The following SBF2 variants were observed in gnomAD, a reference collection of about 807,000 sequenced individuals.
The protein encoded by SBF2 is myotubularin-related protein 13.
A neutral mutation model predicts 225.2 loss-of-function variants in SBF2; 112 were observed. That is an observed-to-expected ratio of 0.50 (90% confidence interval 0.43 to 0.58). The LOEUF (loss-of-function observed/expected upper bound fraction) is 0.58. Among genes scored for constraint, SBF2 ranks in the 20% least tolerant of loss-of-function variants. The pLI is 0.00. For missense variants in SBF2, 1,996 were observed against 2,206.2 expected (o/e 0.90, Z 1.91); for synonymous variants, 763 against 773.3 (o/e 0.99, Z 0.22).
intron 1 of SBF2, among the ~76,000 whole-genome samples, chr11:10,233,388 C>G (rs1338444860): frequency 6.6e-6 from 1 of 151,956 alleles, no homozygotes; most frequent in East Asian, 1.9e-4. Context: ...AGTCAATCCT[C>G]TCCCCTACCC....
chr11:9,983,097 C>T (rs550134161), intron 13 of SBF2, among the ~76,000 whole-genome samples: 6 of 152,264 alleles, frequency 3.9e-5, no homozygotes, highest in South Asian at 4.1e-4. Flanking sequence ...GCTGCAAATC[C>T]GGGTTGCAGA....
chr11:10,108,676 C>T (rs545610390), intron 2 of SBF2, among the ~76,000 whole-genome samples: 29 of 151,966 alleles, frequency 1.9e-4, no homozygotes, highest in South Asian at 4.2e-4. Context: ...AGGCGCCCGC[C>T]ACCACGCCCG....
intron 16 of SBF2, among the ~76,000 whole-genome samples, chr11:9,908,636 A>C (rs1862310653): frequency 6.6e-6 from 1 of 152,074 alleles, no homozygotes; most frequent in Non-Finnish European, 1.5e-5. Flanking sequence ...CAAAAAAAAA[A>C]AGTCTTATCT....
At chr11:9,911,483 CAA>C (rs987613443) in intron 16 of SBF2, among the ~76,000 whole-genome samples, 1 of 151,546 alleles carries the variant, frequency 6.6e-6, no homozygotes, top group African/African-American at 2.4e-5. Context: ...AGTGTTATTA[CAA>C]AAGAGTCAAA....
intron 1 of SBF2, among the ~76,000 whole-genome samples, chr11:10,228,181 G>C (rs1236443068): frequency 6.6e-6 from 1 of 152,196 alleles, no homozygotes; most frequent in Non-Finnish European, 1.5e-5. Context: ...TGTATCCTGA[G>C]ACTTTGCTGA....
intron 13 of SBF2, among the ~76,000 whole-genome samples, chr11:9,978,762 G>T (rs1946811108): frequency 6.6e-6 from 1 of 152,068 alleles, no homozygotes; most frequent in African/African-American, 2.4e-5. Context: ...CTCCTTGGCC[G>T]AGGCGAGTGG....
At chr11:10,144,878 T>C (rs554052681) in intron 2 of SBF2, among the ~76,000 whole-genome samples, 41 of 152,324 alleles carry the variant, frequency 2.7e-4, no homozygotes, top group Admixed American at 5.9e-4. Context: ...CCAAAATAAA[T>C]ACTAAGCGTC....
intron 12 of SBF2, among the ~76,000 whole-genome samples, chr11:9,990,359 G>T (rs1235449952): frequency 6.6e-6 from 1 of 152,132 alleles, no homozygotes; most frequent in Non-Finnish European, 1.5e-5. Flanking sequence ...TCTATCTGAT[G>T]GAAGTGTGAG....
chr11:10,136,049 C>G (rs1400240979), intron 2 of SBF2, among the ~76,000 whole-genome samples: 3 of 152,124 alleles, frequency 2.0e-5, no homozygotes, highest in Admixed American at 2.0e-4. Context: ...GGGGAGGCCT[C>G]ACAATCATGG....
rs200462851 is a variant in SBF2 at position 9,826,733 on chromosome 11, G to A, written c.3793+2623C>T. Among the ~76,000 whole-genome samples, 473 of 68,772 alleles carry A rather than the reference G, an allele frequency of 6.9e-3. 2 individuals carry two copies. The highest frequency in any genetic ancestry group is 0.015 in the African/African-American group (158 of 10,882). 45.1% of individuals were successfully genotyped at this position (68,772 alleles called of 152,430 possible). Reference sequence around the variant, plus strand: ...GGTGTGTATATATATATATATATATGTGTGTGTGTGTGTGTGTATGTGTGT... The same window carrying A: ...GGTGTGTATATATATATATATATATATGTGTGTGTGTGTGTGTATGTGTGT... On this transcript the variant is annotated intron_variant, in intron 28 of 39. Transcript: ENST00000256190.
At chr11:9,792,693 T>C (rs956397746) in intron 33 of SBF2, among the ~76,000 whole-genome samples, 8 of 152,110 alleles carry the variant, frequency 5.3e-5, no homozygotes, top group African/African-American at 1.9e-4. Flanking sequence ...GAGAGGAGGC[T>C]GGGTAGATGA....
At chr11:9,786,420 TC>T (rs1335747838) in intron 36 of SBF2, among the ~76,000 whole-genome samples, 3 of 152,176 alleles carry the variant, frequency 2.0e-5, no homozygotes, top group African/African-American at 7.2e-5. Flanking sequence ...CTATTATTTT[TC>T]TAACAAAAAA....
chr11:9,932,613 C>T (rs1396323940), intron 16 of SBF2, among the ~76,000 whole-genome samples: 1 of 152,074 alleles, frequency 6.6e-6, no homozygotes, highest in Non-Finnish European at 1.5e-5. Context: ...GCCTGCCTTA[C>T]AAGAGCTCCT....
intron 16 of SBF2, among the ~76,000 whole-genome samples, chr11:9,939,245 G>A (rs1293539304): frequency 6.6e-6 from 1 of 152,042 alleles, no homozygotes; most frequent in Admixed American, 6.5e-5. Flanking sequence ...ACAGGCACCT[G>A]CCACCACGCC....
intron 26 of SBF2, 136 bp from the exon 27 acceptor site, chr11:9,832,556 T>G: frequency 1.4e-6 from 1 of 692,314 alleles, no homozygotes; most frequent in Non-Finnish European, 2.6e-6. Context: ...TTTTCTAAGA[T>G]TCAGAAACAT....
chr11:10,282,675 A>G (rs1198089453), intron 1 of SBF2, among the ~76,000 whole-genome samples: 2 of 152,120 alleles, frequency 1.3e-5, no homozygotes, highest in Admixed American at 1.3e-4. Flanking sequence ...TCTAGCATCC[A>G]TACCTTCCTT....
intron 1 of SBF2, among the ~76,000 whole-genome samples, chr11:10,232,855 T>C (rs983106896): frequency 7.2e-5 from 11 of 152,374 alleles, no homozygotes; most frequent in South Asian, 6.2e-4. Flanking sequence ...CTGTTACTTC[T>C]ATAACAGCAA....
intron 1 of SBF2, among the ~76,000 whole-genome samples, chr11:10,226,252 A>G (rs2197170): frequency 0.4 from 60,097 of 152,022 alleles, 12,926 homozygotes; most frequent in Non-Finnish European, 0.48. Flanking sequence ...AACGAGTCAC[A>G]AAACAGCATT....
chr11:10,084,960 T>TA (rs547487696), intron 2 of SBF2, among the ~76,000 whole-genome samples: 55 of 152,170 alleles, frequency 3.6e-4, no homozygotes, highest in African/African-American at 1.1e-3. Flanking sequence ...GGTAGCATGG[T>TA]AAAAAATTTG....
Sources: allele counts gnomAD v4.1 joint callset (sites outside exome capture counted in the v4.1 genomes callset), GRCh38; gene constraint gnomAD v4.1.1; transcripts MANE v1.5; gene names NCBI Gene and HGNC (gene_info 2026-07-23, HGNC 2026-07-21).